The following CNGB1 variants were observed in gnomAD, a reference collection of about 807,000 sequenced individuals.
CNGB1 encodes cyclic nucleotide gated channel subunit beta 1, also known as cyclic nucleotide-gated channel beta-1.
A neutral mutation model predicts 151.7 loss-of-function variants in CNGB1; 126 were observed. That is an observed-to-expected ratio of 0.83 (90% CI 0.72 to 0.96). The LOEUF (loss-of-function observed/expected upper bound fraction) is 0.96. Among genes scored for constraint, CNGB1 ranks in the 40% least tolerant of loss-of-function variants. The pLI is 0.00. For synonymous variants in CNGB1, 623 were observed against 635.1 expected, an observed-to-expected ratio of 0.98 and a Z score of 0.29; for missense variants, 1,698 against 1,627.0, an observed-to-expected ratio of 1.04 and a Z score of -0.75.
chr16:57,958,561 C>A, intron 10 of CNGB1, 76 bp from the exon 11 acceptor site: 1 of 1,350,188 alleles, frequency 7.4e-7, no homozygotes, highest in East Asian at 2.3e-5. Context: ...CAGCTCGTTC[C>A]CAAGGCAGAA....
In CNGB1 at chr16:57,915,287, C is replaced by G. The variant is rs398123605; in HGVS notation, c.2266G>C (p.Gly756Arg). ...GGCAGGCGGAGGAGGGGGTTCACAC[C>G]GACTTTCAAATAGAGAAAATCCAAG... ...LPLDFLYLKV[G>R]VNPLLRLPRC... Residue 756 changes from glycine (G) to arginine (R), a missense_variant, in exon 23 of 33, where the codon GGT becomes CGT. Physicochemically the swap from Gly to Arg is moderately radical, Grantham distance 125. Coordinates refer to ENST00000251102, the MANE Select transcript of CNGB1 (RefSeq NM_001297.5). The G allele has an allele frequency of 1.9e-6, 3 of 1,613,964 alleles. No homozygotes were observed. Among genetic ancestry groups the G allele is most frequent in the Non-Finnish European group, 2.5e-6 (3 of 1,179,934 alleles).
chr16:57,963,044 G>T lies in CNGB1; in HGVS notation c.311C>A (p.Thr104Asn). 1 of 1,613,270 alleles carries T rather than the reference G, an allele frequency of 6.2e-7. No individual in the cohort carries two copies. The change falls in exon 5 of 33, where the codon ACC becomes AAC. Residue 104 changes from threonine to asparagine, a missense_variant. Physicochemically the swap from Thr to Asn is moderately conservative, Grantham distance 65. Transcript: ENST00000251102. ...CTTCTCTACGCCCTTCATGAGCCAG[G>T]TCAGTACCCTGCGGCTGGGACTGCG... is the stretch of plus-strand genomic sequence containing the variant. ...EMNSPSRRVL[T>N]WLMKGVEKVI...
intron 21 of CNGB1, 131 bp from the exon 22 acceptor site, chr16:57,916,310 T>G: frequency 7.7e-6 from 7 of 910,652 alleles, no homozygotes; most frequent in Middle Eastern, 2.1e-4. Context: ...ATCTGAGCCT[T>G]GGTGAAAGCC....
At chr16:57,927,743 C>G (rs1567381494) in intron 17 of CNGB1, among the ~76,000 whole-genome samples, 1 of 152,194 alleles carries the variant, frequency 6.6e-6, no homozygotes, top group South Asian at 2.1e-4. Context: ...CCTAAATATG[C>G]CACCCCCTAC....
intron 29 of CNGB1, among the ~76,000 whole-genome samples, 193 bp downstream of exon 29, chr16:57,901,159 T>G (rs1230103318): frequency 6.6e-6 from 1 of 151,650 alleles, no homozygotes; most frequent in Non-Finnish European, 1.5e-5. Context: ...CTGCATAGAG[T>G]CGGCAAAGCC....
chr16:57,953,872 A>AAAAG (rs577125471), intron 12 of CNGB1, among the ~76,000 whole-genome samples: 8 of 151,746 alleles, frequency 5.3e-5, no homozygotes, highest in African/African-American at 7.3e-5. Flanking sequence ...CATCAAAGAA[A>AAAAG]AAAGAAAGAA....
rs765822034 is a variant in CNGB1, at chr16:57,919,251, G to T, written c.1805C>A (p.Pro602Gln). ...TSDEESPKPS[P>Q]AKKAPEPAPD... The stretch of plus-strand genomic sequence containing the variant: ...AGCTGGCTCTGGGGCTTTCTTGGCT[G>T]GGGCTGTGGGATGACATTGGTGACC... Residue 602 changes from proline to glutamine, a missense_variant, in exon 20 of 33, where the codon CCA becomes CAA. By Grantham distance (76) the Pro-to-Gln change is moderately conservative. Coordinates refer to ENST00000251102, the MANE Select transcript of CNGB1 (RefSeq NM_001297.5). 6.2e-7 allele frequency: 1 copy of T among 1,614,188 alleles called. No homozygotes were observed. Among genetic ancestry groups the T allele is most frequent in the Non-Finnish European group, 8.5e-7 (1 of 1,180,036 alleles).
chr16:57,905,067 T>C (rs1960508858), intron 25 of CNGB1, among the ~76,000 whole-genome samples, 192 bp from the exon 26 acceptor site: 1 of 152,160 alleles, frequency 6.6e-6, no homozygotes, highest in Admixed American at 6.5e-5. Context: ...GGTTCACAAA[T>C]GCTATCGGGT....
intron 8 of CNGB1, 145 bp from the exon 9 acceptor site, chr16:57,960,675 C>G (rs1962227700): frequency 7.8e-7 from 1 of 1,286,262 alleles, no homozygotes; most frequent in African/African-American, 1.5e-5. Context: ...TCCCGGCCCC[C>G]TCTCACAGTC....
At chr16:57,901,082 C>A (rs1378255233) in intron 29 of CNGB1, among the ~76,000 whole-genome samples, 2 of 152,076 alleles carry the variant, frequency 1.3e-5, no homozygotes, top group Non-Finnish European at 2.9e-5. Flanking sequence ...TTTGTCCTGG[C>A]CCCCATGGTC....
At position 57,967,317 on chromosome 16, in the gene CNGB1, C is replaced by A. The variant is rs772675581; in HGVS notation, c.-8-23G>T. On this transcript the variant is annotated intron_variant, in intron 1 of 32. Transcript: ENST00000251102. The stretch of plus-strand genomic sequence containing the variant: ...TGCCTGTAGGAGACAGAGTCCTTAG[C>A]CCTCCCTGGAGCACTCACAGTAGCT... 14 of 1,613,876 alleles carry A rather than the reference C, an allele frequency of 8.7e-6. No homozygotes were observed. The East Asian group carries it at 3.1e-4, about 36-fold the overall frequency.
intron 12 of CNGB1, chr16:57,955,454 G>A (rs570170598): frequency 1.7e-6 from 2 of 1,153,418 alleles, no homozygotes; most frequent in South Asian, 2.7e-5. Flanking sequence ...ATGAGTGAAT[G>A]AATGGGGAAG....
rs1394966250 is a variant in CNGB1 at position 57,904,766 on chromosome 16, C to T, written c.2602G>A (p.Gly868Ser). ...ATCATCACAGAGAAAGCAAAGACGC[C>T]CGTGAAATAATTCAGCAGCTGGAAG... ...IVFQLLNYFT[G>S]VFAFSVMIGQ... Residue 868 changes from glycine (G) to serine (S), a missense_variant, in exon 26 of 33, where the codon GGC (glycine) becomes AGC (serine). Gly to Ser is a moderately conservative substitution (Grantham distance 56). Transcript: ENST00000251102. 3 of 1,614,046 alleles carry T rather than the reference C, an allele frequency of 1.9e-6. No homozygotes were observed. The highest frequency in any genetic ancestry group is 2.7e-5 in the African/African-American group (2 of 74,914).
At chr16:57,942,779 C>T (rs1596999788) in intron 14 of CNGB1, among the ~76,000 whole-genome samples, 1 of 151,444 alleles carries the variant, frequency 6.6e-6, no homozygotes, top group East Asian at 1.9e-4. Flanking sequence ...GGGAGGATTG[C>T]TTGAGCCTGG....
At chr16:57,952,482 A>G (rs765905733) in intron 12 of CNGB1, among the ~76,000 whole-genome samples, 10 of 137,910 alleles carry the variant, frequency 7.3e-5, no homozygotes, top group Non-Finnish European at 1.4e-4. Context: ...TGGGTGTTTT[A>G]CAAGCATTTC....
At chr16:57,950,261 G>A (rs1961914087) in intron 13 of CNGB1, 120 bp downstream of exon 13, 3 of 1,212,706 alleles carry the variant, frequency 2.5e-6, no homozygotes, top group Non-Finnish European at 3.6e-6. Context: ...GCTGTATGAA[G>A]GCAGGGGGAA....
intron 25 of CNGB1, among the ~76,000 whole-genome samples, 198 bp from the exon 26 acceptor site, chr16:57,905,073 C>T (rs1359201708): frequency 6.6e-6 from 1 of 152,162 alleles, no homozygotes; most frequent in Non-Finnish European, 1.5e-5. Flanking sequence ...CAAATGCTAT[C>T]GGGTATGGTT....
At chr16:57,935,756 CT>C (rs71385136) in intron 16 of CNGB1, among the ~76,000 whole-genome samples, 36 of 146,330 alleles carry the variant, frequency 2.5e-4, no homozygotes, top group Admixed American at 2.7e-4. Flanking sequence ...TTTCCTTTTT[CT>C]TTTTTTTTTT....
intron 27 of CNGB1, among the ~76,000 whole-genome samples, chr16:57,902,811 C>T (rs1960426469): frequency 6.7e-6 from 1 of 149,326 alleles, no homozygotes; most frequent in South Asian, 2.1e-4. Context: ...TGGGGTTTCA[C>T]CATGTTGGCC....
Sources: allele counts gnomAD v4.1 joint callset (sites outside exome capture counted in the v4.1 genomes callset), GRCh38; gene constraint gnomAD v4.1.1; transcripts MANE v1.5; gene names NCBI Gene and HGNC (gene_info 2026-07-23, HGNC 2026-07-21).